AKAP6: variants seen among roughly 807,000 people sequenced by gnomAD.
AKAP6 encodes the protein A-kinase anchor protein 6.
In AKAP6, 58 loss-of-function variants were observed where a neutral mutation model predicts 188.5. That is an observed-to-expected ratio of 0.31 (90% confidence interval 0.25 to 0.38). The LOEUF is 0.38. Among genes scored for constraint, AKAP6 ranks in the 10% least tolerant of loss-of-function variants. AKAP6 has a pLI of 1.00. For missense variants in AKAP6, 2,710 were observed against 2,740.0 expected, an observed-to-expected ratio of 0.99 and a Z score of 0.24; for synonymous variants, 989 against 998.6, an observed-to-expected ratio of 0.99 and a Z score of 0.18.
intron 5 of AKAP6, among the ~76,000 whole-genome samples, chr14:32,597,514 C>T (rs1477078415): frequency 1.3e-5 from 2 of 152,094 alleles, no homozygotes; most frequent in African/African-American, 2.4e-5. Flanking sequence ...AGTGCAGGCA[C>T]GTTTTGACTA....
intron 5 of AKAP6, among the ~76,000 whole-genome samples, chr14:32,579,788 A>G (rs1884885243): frequency 6.6e-6 from 1 of 152,132 alleles, no homozygotes; most frequent in African/African-American, 2.4e-5. Flanking sequence ...CAACCTTCCC[A>G]TAAAAGAAAA....
At chr14:32,396,016 G>A (rs547957730) in intron 1 of AKAP6, among the ~76,000 whole-genome samples, 46 of 152,064 alleles carry the variant, frequency 3.0e-4, no homozygotes, top group Non-Finnish European at 6.5e-4. Flanking sequence ...TTATTTGTGA[G>A]AGAAATATGT....
intron 2 of AKAP6, among the ~76,000 whole-genome samples, chr14:32,528,669 A>C (rs545931355): frequency 6.6e-6 from 1 of 152,028 alleles, no homozygotes; most frequent in Non-Finnish European, 1.5e-5. Context: ...TTTGCCTCAC[A>C]TAAACTTTAT....
intron 1 of AKAP6, among the ~76,000 whole-genome samples, chr14:32,407,553 G>A (rs752291026): frequency 1.3e-5 from 2 of 152,182 alleles, no homozygotes; most frequent in Non-Finnish European, 2.9e-5. Context: ...TGTTTTCAGA[G>A]CTCCTAAAAC....
intron 11 of AKAP6, among the ~76,000 whole-genome samples, chr14:32,745,674 C>T (rs567990791): frequency 6.6e-6 from 1 of 152,280 alleles, no homozygotes; most frequent in East Asian, 1.9e-4. Context: ...TCCCTGGCTA[C>T]TGCCTGTGTT....
chr14:32,429,602 A>G (rs551440925), intron 1 of AKAP6, among the ~76,000 whole-genome samples: 94 of 152,358 alleles, frequency 6.2e-4, no homozygotes, highest in Non-Finnish European at 9.6e-4. Context: ...ATTTTATGCT[A>G]CTACCCAGGC....
At chr14:32,492,682 A>C (rs935760980) in intron 2 of AKAP6, among the ~76,000 whole-genome samples, 2 of 152,064 alleles carry the variant, frequency 1.3e-5, no homozygotes, top group African/African-American at 4.8e-5. Flanking sequence ...TGACCACAGA[A>C]CTGGGATTAT....
At chr14:32,600,903 C>G in intron 7 of AKAP6, 111 bp downstream of exon 7, 1 of 970,152 alleles carries the variant, frequency 1.0e-6, no homozygotes, top group Non-Finnish European at 1.5e-6. Context: ...ACTGGGTAAA[C>G]TTTATATCTC....
At chr14:32,593,518 C>T (rs1402010881) in intron 5 of AKAP6, among the ~76,000 whole-genome samples, 1 of 152,190 alleles carries the variant, frequency 6.6e-6, no homozygotes, top group Non-Finnish European at 1.5e-5. Context: ...AGGGACACAT[C>T]TGCCTGGGAT....
intron 2 of AKAP6, among the ~76,000 whole-genome samples, chr14:32,492,605 TAAATGAGAATTAAAAATAG>T (rs1487180630): frequency 2.6e-5 from 4 of 152,008 alleles, no homozygotes; most frequent in African/African-American, 9.7e-5. Context: ...GACAGCTATT[TAAATGAGAATTAAAAATAG>T]ATCCCTGTGA....
intron 7 of AKAP6, among the ~76,000 whole-genome samples, chr14:32,625,571 G>C (rs1886986888): frequency 6.6e-6 from 1 of 151,756 alleles, no homozygotes; most frequent in South Asian, 2.1e-4. Context: ...TTTCACTGCT[G>C]TAACCTTCTT....
At chr14:32,506,861 A>C (rs985191323) in intron 2 of AKAP6, among the ~76,000 whole-genome samples, 1 of 152,074 alleles carries the variant, frequency 6.6e-6, no homozygotes, top group Non-Finnish European at 1.5e-5. Flanking sequence ...ACCTCAAAAA[A>C]ATTGCGCATC....
chr14:32,590,697 T>G (rs1346097527), intron 5 of AKAP6, among the ~76,000 whole-genome samples: 1 of 152,086 alleles, frequency 6.6e-6, no homozygotes, highest in East Asian at 1.9e-4. Flanking sequence ...GAGGGAAAAA[T>G]AGGAATATTT....
intron 9 of AKAP6, among the ~76,000 whole-genome samples, chr14:32,699,561 AAACT>A (rs941917031): frequency 6.6e-6 from 1 of 152,176 alleles, no homozygotes; most frequent in Non-Finnish European, 1.5e-5. Flanking sequence ...TTCCTATTAA[AAACT>A]AACCATTCCC....
chr14:32,695,730 G>T (rs1890375976), intron 8 of AKAP6, among the ~76,000 whole-genome samples: 1 of 152,120 alleles, frequency 6.6e-6, no homozygotes, highest in Non-Finnish European at 1.5e-5. Flanking sequence ...CTCAGAAAGG[G>T]TTAGCAAATG....
intron 2 of AKAP6, among the ~76,000 whole-genome samples, chr14:32,472,884 T>C (rs1471650698): frequency 1.4e-5 from 2 of 145,264 alleles, no homozygotes; most frequent in East Asian, 3.9e-4. Flanking sequence ...AATGGCTGTT[T>C]GTATTAAAGG....
At chr14:32,799,509 A>G (rs1475541220) in intron 12 of AKAP6, among the ~76,000 whole-genome samples, 13 of 151,932 alleles carry the variant, frequency 8.6e-5, no homozygotes, top group Non-Finnish European at 1.5e-4. Flanking sequence ...GATAAGTTGT[A>G]TTTTTGTTTT....
chr14:32,775,929 A>G (rs572274463), intron 12 of AKAP6, among the ~76,000 whole-genome samples: 1 of 152,326 alleles, frequency 6.6e-6, no homozygotes, highest in African/African-American at 2.4e-5. Context: ...AAAGTTGAAA[A>G]TCTCTGTCAG....
chr14:32,531,761 G>C (rs1442436906), intron 2 of AKAP6, among the ~76,000 whole-genome samples: 2 of 152,120 alleles, frequency 1.3e-5, no homozygotes, highest in African/African-American at 4.8e-5. Flanking sequence ...TTTGAGACTG[G>C]CTTCTTTCAC....
Sources: gnomAD v4.1 joint callset for allele counts (sites outside exome capture counted in the v4.1 genomes callset) on GRCh38, gnomAD v4.1.1 for gene constraint, MANE v1.5 for transcripts, NCBI Gene and HGNC (gene_info 2026-07-23, HGNC 2026-07-21) for gene names.